CRTAC1: variants seen among roughly 807,000 people sequenced by gnomAD.
CRTAC1 encodes acidic secreted protein in cartilage.
Under a neutral mutation model 67.8 loss-of-function variants are expected in CRTAC1, and 37 were observed. The ratio of observed to expected loss-of-function variants is 0.55; its 90% CI spans 0.42 to 0.72. CRTAC1 has a LOEUF of 0.72. Ranked by LOEUF, CRTAC1 falls within the 30% of genes least tolerant of loss-of-function variation. The pLI, the probability that CRTAC1 is intolerant of heterozygous loss-of-function variation, is 0.00. For synonymous variants in CRTAC1, 348 were observed against 371.0 expected, an observed-to-expected ratio of 0.94 and a Z score of 0.71; for missense variants, 780 against 931.6, an observed-to-expected ratio of 0.84 and a Z score of 2.12.
At chr10:97,969,840 T>C (rs1410561016) in intron 2 of CRTAC1, among the ~76,000 whole-genome samples, 1 of 152,130 alleles carries the variant, frequency 6.6e-6, no homozygotes, top group Non-Finnish European at 1.5e-5. Context: ...TCCTCTCCCA[T>C]CCATTTTCAC....
In CRTAC1 at chr10:97,975,858, A is replaced by C. The variant is rs2051791894; in HGVS notation, c.224+35280T>G. ...GCTCCTGGGCCCCCAATGAGGAGCT[A>C]GCTCCCGGCTGCCCCTTGAGGTCAT... On this transcript the variant is annotated intron_variant, in intron 2 of 14. Coordinates refer to ENST00000370597, the MANE Select transcript of CRTAC1 (RefSeq NM_018058.7). This position sits in a 1 kb window ranked among gnomAD's most constrained non-coding sequence, Gnocchi z 4.8. Among the ~76,000 whole-genome samples the C allele has an allele frequency of 6.6e-6, 1 of 152,196 alleles. No individual in the cohort carries two copies. Among genetic ancestry groups the C allele is most frequent in the African/African-American group, 2.4e-5 (1 of 41,458 alleles).
intron 2 of CRTAC1, among the ~76,000 whole-genome samples, chr10:98,010,339 C>G (rs1008742678): frequency 2.0e-5 from 3 of 152,116 alleles, no homozygotes; most frequent in African/African-American, 7.2e-5. Context: ...TGCACCCGGC[C>G]CTCAATGCAT....
intron 11 of CRTAC1, among the ~76,000 whole-genome samples, chr10:97,889,911 G>A (rs1484885940): frequency 6.6e-6 from 1 of 152,156 alleles, no homozygotes; most frequent in African/African-American, 2.4e-5. Context: ...TCAGATTCAT[G>A]TTGTTGACAT....
In CRTAC1 at chr10:97,895,941, T is replaced by C. The variant is rs1432740744; in HGVS notation, c.1261A>G (p.Ile421Val). The change falls in exon 10 of 15, where the codon ATC becomes GTC. Residue 421 changes from isoleucine to valine, a missense_variant. Transcript: ENST00000370597. The surrounding 1 kb of genome is among the most constrained non-coding windows in gnomAD (Gnocchi z 4.2). ...DFDGDGMLDLILSHGESMAQP... is the reference protein window; with the variant it reads ...DFDGDGMLDLVLSHGESMAQP... ...GCCATGGACTCTCCATGGGACAAGA[T>C]GAGGTCCAGCATCCCGTCTCCGTCG... 1 of 1,614,014 alleles carries C rather than the reference T, an allele frequency of 6.2e-7. No individual in the cohort carries two copies. The highest frequency in any genetic ancestry group is 8.5e-7 in the Non-Finnish European group (1 of 1,180,004).
chr10:97,955,109 A>T (rs950436647), intron 2 of CRTAC1, among the ~76,000 whole-genome samples: 1 of 152,188 alleles, frequency 6.6e-6, no homozygotes, highest in Non-Finnish European at 1.5e-5. Context: ...CAGCTCACTG[A>T]ATCTTCCCAA....
At chr10:97,896,827 G>T (rs963010695) in intron 9 of CRTAC1, 82 bp downstream of exon 9, 1 of 611,376 alleles carries the variant, frequency 1.6e-6, no homozygotes, top group Non-Finnish European at 2.9e-6. Flanking sequence ...GGGACTGGCT[G>T]CCCCGTCCCT....
chr10:97,988,907 G>T (rs962546417), intron 2 of CRTAC1, among the ~76,000 whole-genome samples: 1 of 152,218 alleles, frequency 6.6e-6, no homozygotes, highest in Non-Finnish European at 1.5e-5. Context: ...TTCTGTGAAG[G>T]TATTTCCAGA....
At chr10:97,969,424 G>T (rs965682492) in intron 2 of CRTAC1, among the ~76,000 whole-genome samples, 1 of 152,144 alleles carries the variant, frequency 6.6e-6, no homozygotes, top group Non-Finnish European at 1.5e-5. Flanking sequence ...CTTCCTTTGG[G>T]CCCCTTGCCC....
At chr10:97,892,374 G>A (rs571986232) in intron 11 of CRTAC1, among the ~76,000 whole-genome samples, 43 of 152,312 alleles carry the variant, frequency 2.8e-4, no homozygotes, top group African/African-American at 1.0e-3. Flanking sequence ...AACGGAGTGG[G>A]GGAGTTGATA....
intron 14 of CRTAC1, chr10:97,868,457 G>C (rs1259152719): frequency 2.6e-5 from 4 of 152,296 alleles, no homozygotes; most frequent in Non-Finnish European, 5.9e-5. Context: ...ACAAACTCAG[G>C]CCTGTTCCCA....
In CRTAC1 at chr10:97,950,396, A is replaced by G. The variant is rs145030675; in HGVS notation, c.225-14030T>C. ...ATGATAGGCCCATTGAGCTGCAGAA[A>G]TGCCCCATTAAAGGAGAAGACAGGA... On this transcript the variant is annotated intron_variant, in intron 2 of 14. Coordinates refer to ENST00000370597, the MANE Select transcript of CRTAC1 (RefSeq NM_018058.7). 4.1e-3 allele frequency among the ~76,000 whole-genome samples: 626 copies of G among 152,296 alleles called. 3 individuals are homozygous for G. The highest frequency in any genetic ancestry group is 0.014 in the African/African-American group (566 of 41,558).
chr10:97,977,545 G>A (rs2051827497), intron 2 of CRTAC1, among the ~76,000 whole-genome samples: 1 of 147,286 alleles, frequency 6.8e-6, no homozygotes, highest in South Asian at 2.1e-4. Context: ...GCTGTTTACA[G>A]TCTATGCTGA....
chr10:97,903,322 C>T (rs192078848), intron 7 of CRTAC1, among the ~76,000 whole-genome samples: 126 of 148,788 alleles, frequency 8.5e-4, no homozygotes, highest in African/African-American at 2.7e-3. Context: ...CCCAAATGTC[C>T]CCAGACATTG....
At chr10:97,971,768 G>A (rs1051599991) in intron 2 of CRTAC1, among the ~76,000 whole-genome samples, 1 of 152,172 alleles carries the variant, frequency 6.6e-6, no homozygotes, top group Non-Finnish European at 1.5e-5. Flanking sequence ...TGGAGAGGTG[G>A]GAAGTGTGAT....
intron 13 of CRTAC1, among the ~76,000 whole-genome samples, chr10:97,882,020 C>T (rs926428883): frequency 2.0e-5 from 3 of 152,200 alleles, no homozygotes; most frequent in South Asian, 2.1e-4. Context: ...ACTTTTGTGG[C>T]TCTCCATTGG....
intron 2 of CRTAC1, among the ~76,000 whole-genome samples, chr10:97,948,796 TC>T (rs2051304663): frequency 1.3e-5 from 2 of 152,156 alleles, no homozygotes; most frequent in Non-Finnish European, 2.9e-5. Flanking sequence ...GACTCACAGT[TC>T]CGCATGGCTT....
chr10:97,887,316 A>G (rs2050301137), intron 11 of CRTAC1, among the ~76,000 whole-genome samples: 2 of 148,986 alleles, frequency 1.3e-5, no homozygotes, highest in South Asian at 4.2e-4. Context: ...ATCTCAGTTC[A>G]CCACAACCTC....
In CRTAC1 at chr10:97,895,385, A is replaced by T. The variant is rs759408953; in HGVS notation, c.1346T>A (p.Val449Glu). ...QGFNNNWLRV[V>E]PRTRFGAFAR... Reference sequence around the variant, plus strand: ...AAAGGCCCCAAACCGGGTGCGTGGCACCACTCGCAGCCAGTTGTTGTTGAA... The same window carrying T: ...AAAGGCCCCAAACCGGGTGCGTGGCTCCACTCGCAGCCAGTTGTTGTTGAA... The change falls in exon 11 of 15, where the codon GTG becomes GAG. Residue 449 changes from valine to glutamate, a missense_variant. By Grantham distance (121) the Val-to-Glu change is moderately radical. Coordinates refer to ENST00000370597, the MANE Select transcript of CRTAC1 (RefSeq NM_018058.7). This position sits in a 1 kb window ranked among gnomAD's most constrained non-coding sequence, Gnocchi z 4.2. 1 of 1,610,550 alleles carries T rather than the reference A, an allele frequency of 6.2e-7. No homozygotes were observed.
intron 5 of CRTAC1, among the ~76,000 whole-genome samples, chr10:97,915,486 C>T (rs1006621260): frequency 6.6e-6 from 1 of 152,252 alleles, no homozygotes; most frequent in Non-Finnish European, 1.5e-5. Context: ...TGGCCTGCCC[C>T]TTCTGCCTGC....
Sources: gnomAD v4.1 joint callset for allele counts (sites outside exome capture counted in the v4.1 genomes callset) on GRCh38, gnomAD v4.1.1 for gene constraint, Gnocchi (gnomAD v3.1) non-coding constraint, MANE v1.5 for transcripts, NCBI Gene and HGNC (gene_info 2026-07-23, HGNC 2026-07-21) for gene names.